The following CFAP61 variants were observed in gnomAD, a reference collection of about 807,000 sequenced individuals.
CFAP61 encodes the protein cilia and flagella associated protein 61, also known as cilia- and flagella-associated protein 61.
Under a neutral mutation model 135.6 loss-of-function variants are expected in CFAP61, and 107 were observed. The ratio of observed to expected loss-of-function variants is 0.79; its 90% CI spans 0.67 to 0.93. CFAP61 has a LOEUF of 0.93. CFAP61 is among the 40% of genes least tolerant of loss of function. The probability of loss-of-function intolerance (pLI) is 0.00; values close to 1 mark genes in which losing one functional copy is unlikely to be tolerated. For missense variants in CFAP61, 1,507 were observed against 1,556.2 expected, an observed-to-expected ratio of 0.97 and a Z score of 0.53; for synonymous variants, 575 against 578.5, an observed-to-expected ratio of 0.99 and a Z score of 0.09.
In CFAP61 at chr20:20,187,962, A is replaced by G. The variant is rs752007420; in HGVS notation, c.1418A>G (p.Asp473Gly). The G allele has an allele frequency of 1.2e-6, 2 of 1,613,246 alleles. No individual in the cohort carries two copies. Among genetic ancestry groups the G allele is most frequent in the Non-Finnish European group, 1.7e-6 (2 of 1,179,266 alleles). The stretch of plus-strand genomic sequence containing the variant: ...AATATAAGATTTGCCACTCTCTTGG[A>G]TACTCCTGGTGTGGAAAATCTTGTC... ...SINIRFATLLDTPGVENLVST... is the reference protein window; with the variant it reads ...SINIRFATLLGTPGVENLVST... Residue 473 changes from aspartate to glycine, a missense_variant, in exon 14 of 27, where the codon GAT becomes GGT. Coordinates refer to ENST00000245957, the MANE Select transcript of CFAP61 (RefSeq NM_015585.4).
intron 17 of CFAP61, chr20:20,200,797 G>C (rs566476823): frequency 1.0e-6 from 1 of 985,410 alleles, no homozygotes; most frequent in Admixed American, 6.1e-5. Context: ...GGCGCTGCAG[G>C]AAGGACATCA....
chr20:20,059,532 C>T (rs6046582), intron 2 of CFAP61, among the ~76,000 whole-genome samples: 21,428 of 151,550 alleles, frequency 0.14, 1,655 homozygotes, highest in East Asian at 0.22. Context: ...GCAGGAGAAT[C>T]GCTTGAACCT....
chr20:20,164,065 A>G lies in CFAP61; in HGVS notation c.1042A>G (p.Ser348Gly). The G allele has an allele frequency of 6.2e-7, 1 of 1,609,848 alleles. No individual in the cohort carries two copies. The highest frequency in any genetic ancestry group is 8.5e-7 in the Non-Finnish European group (1 of 1,177,704). Residue 348 changes from serine (S) to glycine (G), a missense_variant, in exon 11 of 27, where the codon AGT becomes GGT. Physicochemically the swap from Ser to Gly is moderately conservative, Grantham distance 56. Coordinates refer to ENST00000245957, the MANE Select transcript of CFAP61 (RefSeq NM_015585.4). ...VSEPEDIEKL[S>G]DISTGYAQYH... is the part of the protein sequence containing the mutation. ...CTTGCTCTAGGACATAGAAAAACTC[A>G]GTGACATCTCCACTGGATATGCACA...
At chr20:20,219,271 G>A (rs1178951678) in intron 17 of CFAP61, among the ~76,000 whole-genome samples, 1 of 152,204 alleles carries the variant, frequency 6.6e-6, no homozygotes, top group Non-Finnish European at 1.5e-5. Flanking sequence ...AATCAGATCT[G>A]TGAAACTCAA....
At chr20:20,095,863 C>A (rs2047529630) in intron 7 of CFAP61, among the ~76,000 whole-genome samples, 1 of 152,154 alleles carries the variant, frequency 6.6e-6, no homozygotes, top group South Asian at 2.1e-4. Context: ...GGATGGGTGG[C>A]TGTAGGGCTT....
intron 17 of CFAP61, among the ~76,000 whole-genome samples, chr20:20,216,594 T>C (rs1206961321): frequency 6.6e-6 from 1 of 152,256 alleles, no homozygotes; most frequent in Non-Finnish European, 1.5e-5. Context: ...TTGTGCTGAT[T>C]AATTACAGCA....
rs1381955192 is a variant in CFAP61 at position 20,106,037 on chromosome 20, T to C, written c.859+7223T>C. 1.0e-3 allele frequency among the ~76,000 whole-genome samples: 88 copies of C among 85,018 alleles called. 1 individual carries two copies. Among genetic ancestry groups the C allele is most frequent in the African/African-American group, 1.9e-3 (30 of 16,086 alleles). 55.8% of individuals were successfully genotyped at this position (85,018 alleles called of 152,430 possible). A position where few individuals can be genotyped will look rare whatever the true frequency, so the allele number is the denominator to read the frequency against. ...ATATATATATATATATATATATATA[T>C]ATATATATATATAAAATTTGATTTT... is the stretch of plus-strand genomic sequence containing the variant. On this transcript the variant is annotated intron_variant, in intron 8 of 26. Coordinates refer to ENST00000245957, the MANE Select transcript of CFAP61 (RefSeq NM_015585.4).
In CFAP61 at chr20:20,290,139, A is replaced by T. The variant is rs141060589; in HGVS notation, c.3125-161A>T. ...CATCAATTTGGTTAAATAAACGTCA[A>T]CCACCCCAGGGAGTTCCTTGTTGTT... On this transcript the variant is annotated intron_variant, in intron 23 of 26. Coordinates refer to ENST00000245957, the MANE Select transcript of CFAP61 (RefSeq NM_015585.4). Among the ~76,000 whole-genome samples, 120 of 152,322 alleles carry T rather than the reference A, an allele frequency of 7.9e-4. 3 individuals carry two copies. The highest frequency in any genetic ancestry group is 2.6e-3 in the African/African-American group (108 of 41,580).
At chr20:20,261,015 C>T (rs1255767803) in intron 20 of CFAP61, among the ~76,000 whole-genome samples, 2 of 152,152 alleles carry the variant, frequency 1.3e-5, no homozygotes, top group Non-Finnish European at 2.9e-5. Context: ...TATTACTAAA[C>T]GAGCTATATT....
At chr20:20,152,183 C>T (rs1210669066) in intron 9 of CFAP61, among the ~76,000 whole-genome samples, 2 of 152,068 alleles carry the variant, frequency 1.3e-5, no homozygotes, top group South Asian at 2.1e-4. Flanking sequence ...TTTGCCACTA[C>T]CAAGCCAGCA....
At chr20:20,138,059 G>A (rs749865574) in intron 8 of CFAP61, among the ~76,000 whole-genome samples, 8 of 152,098 alleles carry the variant, frequency 5.3e-5, no homozygotes, top group Non-Finnish European at 1.5e-5. Context: ...AGGAGCCAGG[G>A]CCTGGAATAG....
chr20:20,346,981 C>T (rs2058658039), intron 26 of CFAP61, among the ~76,000 whole-genome samples: 1 of 152,202 alleles, frequency 6.6e-6, no homozygotes, highest in Non-Finnish European at 1.5e-5. Context: ...ACGGAACATT[C>T]TCCAGGATAG....
intron 25 of CFAP61, among the ~76,000 whole-genome samples, chr20:20,330,456 C>T (rs2057941051): frequency 6.6e-6 from 1 of 152,156 alleles, no homozygotes; most frequent in Non-Finnish European, 1.5e-5. Flanking sequence ...CCACCTCAGT[C>T]TCCTGAGTAG....
At chr20:20,089,213 G>T (rs1051458616) in intron 6 of CFAP61, among the ~76,000 whole-genome samples, 1 of 152,280 alleles carries the variant, frequency 6.6e-6, no homozygotes, top group Admixed American at 6.5e-5. Context: ...CACTAGACCA[G>T]AGCTCATATC....
chr20:20,285,582 A>G lies in CFAP61; in HGVS notation c.2797-3027A>G, dbSNP rs374637981. Among the ~76,000 whole-genome samples, 4 of 151,820 alleles carry G rather than the reference A, an allele frequency of 2.6e-5. 1 individual carries two copies. Among genetic ancestry groups the G allele is most frequent in the South Asian group, 4.2e-4 (2 of 4,806 alleles). On this transcript the variant is annotated intron_variant, in intron 22 of 26. Coordinates refer to ENST00000245957, the MANE Select transcript of CFAP61 (RefSeq NM_015585.4). ...TTTCCTCTATCATCTCTATTTTTCT[A>G]TTAGGGCATAAGATGACTGCAGCTC...
intron 17 of CFAP61, chr20:20,221,081 G>A (rs16981712): frequency 0.25 from 38,325 of 151,910 alleles, 5,310 homozygotes; most frequent in East Asian, 0.54. Flanking sequence ...TCTCCAGTTT[G>A]TGGCTGACCC....
chr20:20,285,770 A>C (rs935421277), intron 22 of CFAP61, among the ~76,000 whole-genome samples: 1 of 152,038 alleles, frequency 6.6e-6, no homozygotes, highest in Non-Finnish European at 1.5e-5. Context: ...ATACCAAAAA[A>C]TTAGCCGGGT....
intron 18 of CFAP61, among the ~76,000 whole-genome samples, chr20:20,230,975 T>C (rs2146951513): frequency 6.6e-6 from 1 of 152,356 alleles, no homozygotes; most frequent in East Asian, 1.9e-4. Flanking sequence ...AATTCTGTCA[T>C]CTGACAACAA....
intron 17 of CFAP61, among the ~76,000 whole-genome samples, chr20:20,202,215 G>GT (rs1430074609): frequency 5.9e-5 from 9 of 152,130 alleles, no homozygotes; most frequent in Admixed American, 5.9e-4. Context: ...AAGATGTATT[G>GT]TTGAAACCCA....
Sources: gnomAD v4.1 joint callset for allele counts (sites outside exome capture counted in the v4.1 genomes callset) on GRCh38, gnomAD v4.1.1 for gene constraint, MANE v1.5 for transcripts, NCBI Gene and HGNC (gene_info 2026-07-23, HGNC 2026-07-21) for gene names.